The following MAMDC2 variants were observed in gnomAD, a reference collection of about 807,000 sequenced individuals.
MAMDC2 encodes the protein MAM domain containing 2, also known as MAM domain-containing protein 2.
Under a neutral mutation model 89.8 loss-of-function variants are expected in MAMDC2, and 57 were observed. The ratio of observed to expected loss-of-function variants is 0.63; its 90% confidence interval spans 0.51 to 0.79. The LOEUF (loss-of-function observed/expected upper bound fraction) is 0.79, where lower values mean the gene tolerates loss of function less well. Among genes scored for constraint, MAMDC2 ranks in the 30% least tolerant of loss-of-function variants. The pLI is 0.00. For missense variants in MAMDC2, 800 were observed against 820.6 expected (o/e 0.97, Z 0.31); for synonymous variants, 313 against 293.4 (o/e 1.07, Z -0.68).
intron 11 of MAMDC2, among the ~76,000 whole-genome samples, chr9:70,186,797 C>A (rs1224604861): frequency 6.6e-6 from 1 of 152,176 alleles, no homozygotes; most frequent in East Asian, 1.9e-4. Context: ...GGAAGGCAAA[C>A]GCAGAGCAGG....
intron 9 of MAMDC2, among the ~76,000 whole-genome samples, chr9:70,166,314 TATAC>T (rs1402671041): frequency 8.0e-6 from 1 of 124,500 alleles, no homozygotes; most frequent in Non-Finnish European, 1.8e-5. Flanking sequence ...CATATATATA[TATAC>T]ATACACATAT....
intron 11 of MAMDC2, among the ~76,000 whole-genome samples, chr9:70,201,100 G>T (rs1259238957): frequency 5.7e-5 from 1 of 17,590 alleles, no homozygotes; most frequent in Non-Finnish European, 1.1e-4. Flanking sequence ...TTGAATAGGA[G>T]TGGTGAGAGA....
chr9:70,091,124 G>C (rs1287986490), intron 2 of MAMDC2, among the ~76,000 whole-genome samples: 1 of 152,170 alleles, frequency 6.6e-6, no homozygotes, highest in Non-Finnish European at 1.5e-5. Flanking sequence ...CAGAAACTGA[G>C]GGTAAGAGGA....
chr9:70,178,850 T>C (rs1208216160), intron 11 of MAMDC2, among the ~76,000 whole-genome samples: 1 of 151,954 alleles, frequency 6.6e-6, no homozygotes, highest in Admixed American at 6.5e-5. Flanking sequence ...TCAAGAATGG[T>C]AGGGAGGAAG....
At chr9:70,059,553 A>G (rs547911789) in intron 2 of MAMDC2, among the ~76,000 whole-genome samples, 1 of 152,202 alleles carries the variant, frequency 6.6e-6, no homozygotes, top group African/African-American at 2.4e-5. Context: ...GCCTAGAACA[A>G]GTTCTTTCCT....
chr9:70,221,937 C>T (rs946061236), intron 12 of MAMDC2, among the ~76,000 whole-genome samples: 4 of 152,130 alleles, frequency 2.6e-5, no homozygotes, highest in African/African-American at 7.2e-5. Context: ...AAGAAGCCAT[C>T]ATACAGCTTT....
At chr9:70,188,668 T>C (rs536630039) in intron 11 of MAMDC2, 2 of 151,376 alleles carry the variant, frequency 1.3e-5, no homozygotes, top group African/African-American at 4.9e-5. Context: ...TAATATAGTA[T>C]CCTCAGATAG....
At chr9:70,202,740 C>T (rs1363673474) in intron 11 of MAMDC2, among the ~76,000 whole-genome samples, 3 of 150,726 alleles carry the variant, frequency 2.0e-5, no homozygotes, top group Non-Finnish European at 4.4e-5. Context: ...TGGGTTTTCC[C>T]GTATTAGGTG....
chr9:70,200,410 T>C (rs1309356799), intron 11 of MAMDC2, among the ~76,000 whole-genome samples: 1 of 149,150 alleles, frequency 6.7e-6, no homozygotes, highest in Non-Finnish European at 1.5e-5. Flanking sequence ...CATTGATCTA[T>C]ATCTCTGTTT....
intron 9 of MAMDC2, among the ~76,000 whole-genome samples, chr9:70,166,276 TACAC>T (rs567995952): frequency 1.9e-3 from 260 of 139,160 alleles, no homozygotes; most frequent in African/African-American, 6.5e-3. Flanking sequence ...TATATATATA[TACAC>T]ACACACACAC....
intron 5 of MAMDC2, 124 bp downstream of exon 5, chr9:70,113,256 AG>A: frequency 1.8e-6 from 2 of 1,101,164 alleles, no homozygotes; most frequent in South Asian, 1.5e-5. Flanking sequence ...GAGGGTGAGT[AG>A]GAACTAAGTA....
intron 11 of MAMDC2, among the ~76,000 whole-genome samples, chr9:70,206,705 G>C (rs2033231782): frequency 6.6e-6 from 1 of 152,016 alleles, no homozygotes; most frequent in Non-Finnish European, 1.5e-5. Flanking sequence ...ATGTATACAT[G>C]TGCCATGTTG....
chr9:70,213,115 G>T (rs992777820), intron 11 of MAMDC2, among the ~76,000 whole-genome samples: 1 of 152,134 alleles, frequency 6.6e-6, no homozygotes, highest in East Asian at 1.9e-4. Flanking sequence ...GAATAATCCT[G>T]GTCAAGACTT....
chr9:70,107,237 T>A (rs1225328198), intron 2 of MAMDC2, among the ~76,000 whole-genome samples: 1 of 152,076 alleles, frequency 6.6e-6, no homozygotes, highest in Non-Finnish European at 1.5e-5. Flanking sequence ...CGAGTTAAGG[T>A]TCTTGGCTTC....
chr9:70,204,775 C>A (rs1285932974), intron 11 of MAMDC2, among the ~76,000 whole-genome samples: 1 of 152,082 alleles, frequency 6.6e-6, no homozygotes, highest in East Asian at 1.9e-4. Context: ...GTTTTTTAAG[C>A]CGGTCTGAAA....
intron 2 of MAMDC2, among the ~76,000 whole-genome samples, chr9:70,053,418 C>T (rs1265416236): frequency 6.6e-6 from 1 of 152,214 alleles, no homozygotes; most frequent in Non-Finnish European, 1.5e-5. Flanking sequence ...TGTCTACTAT[C>T]CATCATGTTC....
intron 2 of MAMDC2, among the ~76,000 whole-genome samples, chr9:70,054,630 T>C (rs1297389785): frequency 6.6e-6 from 1 of 152,012 alleles, no homozygotes; most frequent in Non-Finnish European, 1.5e-5. Flanking sequence ...TGAGCTTGTT[T>C]CTATAGTAAG....
intron 11 of MAMDC2, among the ~76,000 whole-genome samples, chr9:70,195,037 G>A (rs1227745076): frequency 6.6e-6 from 1 of 152,020 alleles, no homozygotes; most frequent in African/African-American, 2.4e-5. Context: ...CAGGTTTACA[G>A]CTAGCTGTCT....
rs113663587 is a variant in MAMDC2 at position 70,053,967 on chromosome 9, G to T, written c.148+9270G>T. 2.6e-3 allele frequency among the ~76,000 whole-genome samples: 397 copies of T among 152,272 alleles called. 3 individuals carry two copies. Among genetic ancestry groups the T allele is most frequent in the African/African-American group, 8.7e-3 (363 of 41,566 alleles). ...ATTAAGTTGGTAGGGCTTGAGTACT[G>T]ATTGATAGGAGTAATGAGTCAGAGG... On this transcript the variant is annotated intron_variant, in intron 2 of 13. Coordinates refer to ENST00000377182, the MANE Select transcript of MAMDC2 (RefSeq NM_153267.5).
Sources: allele counts gnomAD v4.1 joint callset (sites outside exome capture counted in the v4.1 genomes callset), GRCh38; gene constraint gnomAD v4.1.1; transcripts MANE v1.5; gene names NCBI Gene and HGNC (gene_info 2026-07-23, HGNC 2026-07-21).